GRID2: variants seen among roughly 807,000 people sequenced by gnomAD.
GRID2 encodes the protein glutamate ionotropic receptor delta type subunit 2, also known as glutamate receptor ionotropic, delta-2.
Under a neutral mutation model 114.8 loss-of-function variants are expected in GRID2, and 33 were observed. The ratio of observed to expected loss-of-function variants is 0.29; its 90% CI spans 0.22 to 0.38. The LOEUF is 0.38. Ranked by LOEUF, GRID2 falls within the 10% of genes least tolerant of loss-of-function variation. The pLI is 1.00. For synonymous variants in GRID2, 505 were observed against 449.9 expected (o/e 1.12, Z -1.55); for missense variants, 1,184 against 1,257.7 (o/e 0.94, Z 0.89).
intron 2 of GRID2, among the ~76,000 whole-genome samples, chr4:92,875,802 A>C (rs142888440): frequency 6.6e-6 from 1 of 152,170 alleles, no homozygotes. Flanking sequence ...CAAATACCAT[A>C]TCTACCTAGA....
At chr4:93,050,665 A>G (rs964048811) in intron 2 of GRID2, among the ~76,000 whole-genome samples, 3 of 152,032 alleles carry the variant, frequency 2.0e-5, no homozygotes, top group Non-Finnish European at 2.9e-5. Flanking sequence ...TACATTACAG[A>G]TGAATGAATA....
At chr4:93,562,162 C>T (rs1465542424) in intron 13 of GRID2, among the ~76,000 whole-genome samples, 1 of 151,408 alleles carries the variant, frequency 6.6e-6, no homozygotes, top group Non-Finnish European at 1.5e-5. Context: ...GTGTCTAGTG[C>T]TTTAAATTCT....
intron 1 of GRID2, among the ~76,000 whole-genome samples, chr4:92,360,127 C>T (rs1361826605): frequency 6.6e-6 from 1 of 151,950 alleles, no homozygotes; most frequent in Admixed American, 6.6e-5. Context: ...AAGCAGAGAG[C>T]TTTACCTAGT....
chr4:93,371,604 G>C (rs1762918022), intron 8 of GRID2, among the ~76,000 whole-genome samples: 2 of 151,950 alleles, frequency 1.3e-5, no homozygotes, highest in Non-Finnish European at 2.9e-5. Context: ...TTCAGGATTA[G>C]ATTCACATGC....
At chr4:92,507,530 T>C (rs916240974) in intron 1 of GRID2, among the ~76,000 whole-genome samples, 4 of 151,788 alleles carry the variant, frequency 2.6e-5, no homozygotes, top group Admixed American at 6.6e-5. Context: ...ATAACCCCTA[T>C]GTAGTTAATT....
chr4:92,463,052 TTTATA>T (rs1721572474), intron 1 of GRID2, among the ~76,000 whole-genome samples: 1 of 152,002 alleles, frequency 6.6e-6, no homozygotes, highest in African/African-American at 2.4e-5. Context: ...AGCTTGAAGT[TTTATA>T]TTATGACTAT....
At position 92,594,169 on chromosome 4, in the gene GRID2, C is replaced by A. The variant is rs542613332; in HGVS notation, c.244+3883C>A. The stretch of plus-strand genomic sequence containing the variant: ...TTTTCTTGCTATATACCCACCCATG[C>A]ATATATATAGACACACATGAGATAG... On this transcript the variant is annotated intron_variant, in intron 2 of 15. Coordinates refer to ENST00000282020, the MANE Select transcript of GRID2 (RefSeq NM_001510.4). Among the ~76,000 whole-genome samples, 105 of 151,768 alleles carry A rather than the reference C, an allele frequency of 6.9e-4. 1 individual carries two copies. The highest frequency in any genetic ancestry group is 2.5e-3 in the African/African-American group (103 of 41,458).
chr4:93,124,593 C>T (rs1231113193), intron 4 of GRID2, among the ~76,000 whole-genome samples: 1 of 152,144 alleles, frequency 6.6e-6, no homozygotes, highest in Non-Finnish European at 1.5e-5. Flanking sequence ...TAGTATGAGT[C>T]AGTCTCCCAG....
intron 14 of GRID2, among the ~76,000 whole-genome samples, chr4:93,727,777 G>A (rs2110213625): frequency 6.6e-6 from 1 of 152,190 alleles, no homozygotes; most frequent in East Asian, 1.9e-4. Context: ...TTCACATAGA[G>A]GTGTTTGTAG....
At position 93,405,130 on chromosome 4, in the gene GRID2, A is replaced by G. The variant is rs113512947; in HGVS notation, c.1347+9422A>G. Among the ~76,000 whole-genome samples, 394 of 152,272 alleles carry G rather than the reference A, an allele frequency of 2.6e-3. 1 individual carries two copies. The highest frequency in any genetic ancestry group is 8.7e-3 in the African/African-American group (360 of 41,566). ...ATTATTGAAACAGTGTAATCAGTAGACATAGCTCTGTGTTGTGTACATATT... is the reference window on the plus strand; with the variant it reads ...ATTATTGAAACAGTGTAATCAGTAGGCATAGCTCTGTGTTGTGTACATATT... On this transcript the variant is annotated intron_variant, in intron 9 of 15. Coordinates refer to ENST00000282020, the MANE Select transcript of GRID2 (RefSeq NM_001510.4).
chr4:92,769,622 G>C (rs1578167711), intron 2 of GRID2, among the ~76,000 whole-genome samples: 2 of 152,320 alleles, frequency 1.3e-5, no homozygotes, highest in Middle Eastern at 3.4e-3. Flanking sequence ...TCTAGGTGGA[G>C]GTTCTCAAAC....
At chr4:93,122,891 T>G (rs75586337) in intron 4 of GRID2, among the ~76,000 whole-genome samples, 6 of 58,744 alleles carry the variant, frequency 1.0e-4, no homozygotes, top group Non-Finnish European at 1.9e-4. Context: ...CAGATGTGGG[T>G]TTTTTTTTTT....
At chr4:93,632,601 G>T (rs1166008313) in intron 14 of GRID2, among the ~76,000 whole-genome samples, 1 of 152,190 alleles carries the variant, frequency 6.6e-6, no homozygotes. Context: ...CCAGTACCAT[G>T]CTGTTTTGGT....
intron 2 of GRID2, among the ~76,000 whole-genome samples, chr4:92,824,823 A>T (rs1278375882): frequency 6.6e-6 from 1 of 152,108 alleles, no homozygotes; most frequent in Non-Finnish European, 1.5e-5. Context: ...ATTGTTTTTT[A>T]GGAAAACCCA....
intron 1 of GRID2, among the ~76,000 whole-genome samples, chr4:92,423,620 C>G (rs553029403): frequency 2.0e-5 from 3 of 152,184 alleles, no homozygotes. Context: ...ATATGCTTAC[C>G]TGGAGGGAGT....
At chr4:93,670,573 T>C (rs2149751740) in intron 14 of GRID2, among the ~76,000 whole-genome samples, 1 of 152,288 alleles carries the variant, frequency 6.6e-6, no homozygotes, top group East Asian at 1.9e-4. Flanking sequence ...ATTACTTGCC[T>C]ATGGAATAAA....
intron 8 of GRID2, among the ~76,000 whole-genome samples, chr4:93,261,264 C>T (rs1388059701): frequency 1.3e-5 from 2 of 151,884 alleles, no homozygotes; most frequent in Non-Finnish European, 2.9e-5. Flanking sequence ...AGTTCCACCA[C>T]ACTTTACGAA....
At chr4:92,360,015 T>C (rs2110199320) in intron 1 of GRID2, among the ~76,000 whole-genome samples, 1 of 152,064 alleles carries the variant, frequency 6.6e-6, no homozygotes, top group South Asian at 2.1e-4. Flanking sequence ...CTTTAATGGT[T>C]TGGTTTGGGC....
At chr4:93,571,157 T>C (rs1735895004) in intron 13 of GRID2, among the ~76,000 whole-genome samples, 1 of 152,096 alleles carries the variant, frequency 6.6e-6, no homozygotes, top group Non-Finnish European at 1.5e-5. Context: ...ATCTCTAGTA[T>C]GCTAAATAGA....
Sources: gnomAD v4.1 joint callset for allele counts (sites outside exome capture counted in the v4.1 genomes callset) on GRCh38, gnomAD v4.1.1 for gene constraint, MANE v1.5 for transcripts, NCBI Gene and HGNC (gene_info 2026-07-23, HGNC 2026-07-21) for gene names.